Variants in NRG1 observed in about 807,000 individuals in gnomAD.
NRG1 encodes the protein neuregulin 1.
In NRG1, 18 loss-of-function variants were observed where a neutral mutation model predicts 63.8. The ratio of observed to expected loss-of-function variants is 0.28; its 90% CI spans 0.19 to 0.42. The LOEUF is 0.42. Among genes scored for constraint, NRG1 ranks in the 10% least tolerant of loss-of-function variants. The pLI, the probability that NRG1 is intolerant of heterozygous loss-of-function variation, is 1.00. For synonymous variants in NRG1, 302 were observed against 301.3 expected (o/e 1.00, Z -0.02); for missense variants, 762 against 814.7 (o/e 0.94, Z 0.79).
chr8:32,034,727 T>C (rs1049051774), intron 1 of NRG1, among the ~76,000 whole-genome samples: 9 of 152,236 alleles, frequency 5.9e-5, no homozygotes, highest in African/African-American at 1.9e-4. Context: ...TTTTCTAGTT[T>C]ATTTGCATAG....
intron 1 of NRG1, among the ~76,000 whole-genome samples, chr8:32,453,030 T>G (rs1419834123): frequency 6.6e-6 from 1 of 152,168 alleles, no homozygotes; most frequent in Non-Finnish European, 1.5e-5. Context: ...AAGTAGAAAA[T>G]TCCAAGAAGT....
chr8:31,737,981 T>C (rs928362346), intron 1 of NRG1, among the ~76,000 whole-genome samples: 2 of 152,118 alleles, frequency 1.3e-5, no homozygotes, highest in African/African-American at 2.4e-5. Context: ...TTCAACATTA[T>C]ATATATTAAC....
intron 1 of NRG1, among the ~76,000 whole-genome samples, chr8:31,849,323 T>G (rs1826994468): frequency 6.6e-6 from 1 of 152,236 alleles, no homozygotes; most frequent in Non-Finnish European, 1.5e-5. Flanking sequence ...ACCGCACAGC[T>G]GCATATCTGA....
intron 1 of NRG1, among the ~76,000 whole-genome samples, chr8:31,923,632 AG>A (rs1253358504): frequency 6.6e-6 from 1 of 152,148 alleles, no homozygotes; most frequent in Non-Finnish European, 1.5e-5. Context: ...TTTATTTAAA[AG>A]ATTTAGGGTT....
At chr8:32,107,220 GAA>G (rs5890624) in intron 1 of NRG1, among the ~76,000 whole-genome samples, 33 of 151,618 alleles carry the variant, frequency 2.2e-4, no homozygotes, top group South Asian at 4.2e-4. Flanking sequence ...AGTCTTAAAA[GAA>G]AAAAAAAAAT....
chr8:31,744,838 T>C (rs1815684971), intron 1 of NRG1, among the ~76,000 whole-genome samples: 1 of 152,010 alleles, frequency 6.6e-6, no homozygotes, highest in Non-Finnish European at 1.5e-5. Flanking sequence ...TACAGAATTG[T>C]GCTGCTTTTA....
At chr8:32,297,693 C>T (rs921165319) in intron 1 of NRG1, among the ~76,000 whole-genome samples, 2 of 152,024 alleles carry the variant, frequency 1.3e-5, no homozygotes, top group African/African-American at 4.8e-5. Flanking sequence ...ACTGTCTCTG[C>T]TTTCTTTTAT....
chr8:31,653,545 T>C lies in NRG1; in HGVS notation c.37+14114T>C, dbSNP rs118034829. Among the ~76,000 whole-genome samples, 4 of 152,326 alleles carry C rather than the reference T, an allele frequency of 2.6e-5. No homozygotes were observed. In the East Asian group the frequency reaches 7.7e-4, roughly 29 times the overall value. On this transcript the variant is annotated intron_variant, in intron 1 of 10. Transcript: ENST00000519301. ...GCAGGGTTCCAATTTGTGACGGTCA[T>C]TTATTTTTAATGGCCTTTCTATTCC...
intron 1 of NRG1, among the ~76,000 whole-genome samples, chr8:32,175,490 G>A (rs1840612291): frequency 1.3e-5 from 2 of 152,228 alleles, no homozygotes; most frequent in South Asian, 4.2e-4. Context: ...AGGGCTATCA[G>A]GCAGAAGAAG....
At chr8:31,654,389 G>T (rs568469177) in intron 1 of NRG1, among the ~76,000 whole-genome samples, 2 of 152,298 alleles carry the variant, frequency 1.3e-5, no homozygotes, top group Admixed American at 6.5e-5. Flanking sequence ...TCTGTATCAT[G>T]TATGTTATTG....
intron 1 of NRG1, among the ~76,000 whole-genome samples, chr8:31,838,021 T>G (rs2129607265): frequency 6.6e-6 from 1 of 152,202 alleles, no homozygotes; most frequent in East Asian, 1.9e-4. Flanking sequence ...GGTTCATATA[T>G]TTTTAACATT....
At chr8:32,491,432 C>T (rs1166978855) in intron 1 of NRG1, among the ~76,000 whole-genome samples, 1 of 152,102 alleles carries the variant, frequency 6.6e-6, no homozygotes, top group Non-Finnish European at 1.5e-5. Context: ...TGCTTCACTG[C>T]TTACATATTT....
chr8:31,872,880 T>G (rs1178253792), intron 1 of NRG1, among the ~76,000 whole-genome samples: 1 of 152,254 alleles, frequency 6.6e-6, no homozygotes, highest in Non-Finnish European at 1.5e-5. Context: ...TGGCCATTCA[T>G]CATTCTGTAA....
intron 1 of NRG1, among the ~76,000 whole-genome samples, chr8:32,023,866 TGA>T (rs1465315681): frequency 6.6e-6 from 1 of 152,088 alleles, no homozygotes; most frequent in Non-Finnish European, 1.5e-5. Flanking sequence ...ACATGAGCTG[TGA>T]GAGAGTGACC....
intron 1 of NRG1, among the ~76,000 whole-genome samples, chr8:31,647,299 T>C (rs1464207053): frequency 6.6e-6 from 1 of 152,244 alleles, no homozygotes; most frequent in Non-Finnish European, 1.5e-5. Context: ...TCTTTACTTA[T>C]TTTTCTTGTT....
chr8:32,555,613 AG>A (rs1364435490), intron 1 of NRG1, among the ~76,000 whole-genome samples: 2 of 152,020 alleles, frequency 1.3e-5, no homozygotes, highest in East Asian at 3.9e-4. Context: ...CTGGGACTAC[AG>A]GCGCCCACCA....
chr8:32,075,686 T>TAA (rs770958988), intron 1 of NRG1, among the ~76,000 whole-genome samples: 147,758 of 151,486 alleles, frequency 0.98, 72,187 homozygotes, highest in East Asian at 1. Context: ...TTTTTTTTTT[T>TAA]TTTTGAGACG....
chr8:32,565,095 CT>C (rs981451481), intron 1 of NRG1, among the ~76,000 whole-genome samples: 3 of 151,982 alleles, frequency 2.0e-5, no homozygotes, highest in Non-Finnish European at 2.9e-5. Flanking sequence ...TCCAACAAAT[CT>C]TTTTTGAAGT....
chr8:32,662,671 T>G (rs1039278927), intron 5 of NRG1, among the ~76,000 whole-genome samples: 3 of 152,166 alleles, frequency 2.0e-5, no homozygotes, highest in Non-Finnish European at 4.4e-5. Context: ...ATTATTGGAT[T>G]ATTAGATTCT....
Sources: gnomAD v4.1 joint callset for allele counts (sites outside exome capture counted in the v4.1 genomes callset) on GRCh38, gnomAD v4.1.1 for gene constraint, MANE v1.5 for transcripts, NCBI Gene and HGNC (gene_info 2026-07-23, HGNC 2026-07-21) for gene names.